Variants in ETS1 observed in about 807,000 individuals in gnomAD.
ETS1 encodes protein C-ets-1.
ETS1 carries 15 observed loss-of-function variants against 58.6 expected under a neutral mutation model. The observed-to-expected ratio is 0.26, with a 90% CI of 0.17 to 0.39. The LOEUF is 0.39. Ranked by LOEUF, ETS1 falls within the 10% of genes least tolerant of loss-of-function variation. The pLI is 1.00. For missense variants in ETS1, 417 were observed against 610.5 expected, an observed-to-expected ratio of 0.68 and a Z score of 3.34; for synonymous variants, 214 against 218.2, an observed-to-expected ratio of 0.98 and a Z score of 0.17.
chr11:128,485,760 G>A (rs1218650292), intron 6 of ETS1, among the ~76,000 whole-genome samples: 2 of 152,192 alleles, frequency 1.3e-5, no homozygotes, highest in East Asian at 1.9e-4. Context: ...TTTGGCCATC[G>A]TAGTGCACAG....
intron 2 of ETS1, among the ~76,000 whole-genome samples, chr11:128,566,555 G>A (rs1322078727): frequency 2.6e-5 from 4 of 152,236 alleles, no homozygotes; most frequent in South Asian, 2.1e-4. Context: ...AGGCTAAGGT[G>A]GGCAGATCAC....
chr11:128,509,729 T>C (rs767918898), intron 3 of ETS1, among the ~76,000 whole-genome samples: 2 of 152,082 alleles, frequency 1.3e-5, no homozygotes, highest in Non-Finnish European at 2.9e-5. Context: ...TTAGAAAGTT[T>C]TCTCTCCAAA....
intron 3 of ETS1, among the ~76,000 whole-genome samples, chr11:128,545,266 A>G (rs1477682652): frequency 6.6e-6 from 1 of 152,170 alleles, no homozygotes; most frequent in Non-Finnish European, 1.5e-5. Flanking sequence ...TGGAATTTTC[A>G]TGGGTCTCTG....
At chr11:128,530,009 T>C (rs926124068) in intron 3 of ETS1, 2 of 152,184 alleles carry the variant, frequency 1.3e-5, no homozygotes, top group Non-Finnish European at 2.9e-5. Flanking sequence ...CATAAATTCA[T>C]TAAAACAACT....
At chr11:128,489,845 T>C (rs766954307) in intron 4 of ETS1, among the ~76,000 whole-genome samples, 1 of 152,236 alleles carries the variant, frequency 6.6e-6, no homozygotes, top group Non-Finnish European at 1.5e-5. Context: ...GCTTCTTTAA[T>C]AGCAATAATA....
chr11:128,561,161 C>T (rs1591663491), intron 2 of ETS1, among the ~76,000 whole-genome samples: 3 of 152,082 alleles, frequency 2.0e-5, no homozygotes, highest in African/African-American at 2.4e-5. Context: ...AACTTCAAGC[C>T]GGAGGGCAGG....
Position 128,480,257 on chromosome 11 carries a change from G to A in ETS1, c.1057C>T (p.Arg353Trp), listed in dbSNP as rs766964257. 3 of 1,614,100 alleles carry A rather than the reference G, an allele frequency of 1.9e-6. No homozygotes were observed. Among genetic ancestry groups the A allele is most frequent in the East Asian group, 2.2e-5 (1 of 44,850 alleles). The change falls in exon 8 of 10, where the codon CGG (arginine) becomes TGG (tryptophan). Residue 353 changes from arginine to tryptophan, a missense_variant. By Grantham distance (101) the Arg-to-Trp change is moderately radical. Around this residue, in one of 4 missense-constraint regions of ETS1, gnomAD observed 139 missense variants for 152.1 expected, o/e 0.91. Coordinates refer to ENST00000392668, the MANE Select transcript of ETS1 (RefSeq NM_001143820.2). ...TCCTTATTGAGGTCAGCACGGTCCC[G>A]CACATAGTCCTTGAAGGTGCCCTTG... ...KPKGTFKDYV[R>W]DRADLNKDKP... is the part of the protein sequence containing the mutation.
chr11:128,506,277 A>G (rs1863228645), intron 3 of ETS1, among the ~76,000 whole-genome samples: 3 of 152,198 alleles, frequency 2.0e-5, no homozygotes, highest in Non-Finnish European at 4.4e-5. Context: ...ATTTTATGTT[A>G]TATCAATTAT....
At chr11:128,539,036 A>G (rs929737803) in intron 3 of ETS1, among the ~76,000 whole-genome samples, 3 of 152,252 alleles carry the variant, frequency 2.0e-5, no homozygotes, top group Non-Finnish European at 4.4e-5. Flanking sequence ...ACCTTTGTGC[A>G]TAAAAGTTAA....
chr11:128,518,655 G>A (rs1863585673), intron 3 of ETS1, among the ~76,000 whole-genome samples: 1 of 152,198 alleles, frequency 6.6e-6, no homozygotes, highest in African/African-American at 2.4e-5. Context: ...AGTCTCTAAT[G>A]GAGTATGGTC....
intron 1 of ETS1, among the ~76,000 whole-genome samples, chr11:128,585,716 C>T (rs1865019310): frequency 6.6e-6 from 1 of 152,194 alleles, no homozygotes; most frequent in African/African-American, 2.4e-5. Flanking sequence ...CTTCTATTCT[C>T]TCATATTTGT....
intron 3 of ETS1, chr11:128,536,480 G>C (rs1321474165): frequency 2.0e-5 from 3 of 152,208 alleles, no homozygotes; most frequent in Non-Finnish European, 4.4e-5. Flanking sequence ...ACATTATCAT[G>C]AGATATTGGG....
At chr11:128,576,555 G>A (rs531699676) in intron 1 of ETS1, among the ~76,000 whole-genome samples, 1 of 152,078 alleles carries the variant, frequency 6.6e-6, no homozygotes, top group African/African-American at 2.4e-5. Context: ...TGATTTGGAC[G>A]CTGGGTAACA....
At chr11:128,558,523 T>A (rs1864351104) in intron 2 of ETS1, among the ~76,000 whole-genome samples, 1 of 151,784 alleles carries the variant, frequency 6.6e-6, no homozygotes, top group African/African-American at 2.4e-5. Flanking sequence ...TGGGCGCCTG[T>A]AATCCCAGCT....
chr11:128,486,439 C>T (rs926092712), intron 5 of ETS1, among the ~76,000 whole-genome samples: 8 of 152,212 alleles, frequency 5.3e-5, no homozygotes, highest in Non-Finnish European at 1.5e-5. Flanking sequence ...AGCATTCATT[C>T]TCAATGCATT....
In ETS1 at chr11:128,564,581, C is replaced by T. The variant is rs534294933; in HGVS notation, c.70-8146G>A. ...ACAGCCTCCACTCACAGCCAACACT[C>T]GCTGAAACAGGCTGAAGGACGGGGA... On this transcript the variant is annotated intron_variant, in intron 2 of 9. Transcript: ENST00000392668. 3.3e-5 allele frequency among the ~76,000 whole-genome samples: 5 copies of T among 152,284 alleles called. No individual in the cohort carries two copies. In the East Asian group the frequency reaches 9.6e-4, roughly 29 times the overall value.
At chr11:128,522,114 A>G in intron 3 of ETS1, 2 of 1,320,144 alleles carry the variant, frequency 1.5e-6, no homozygotes, top group Non-Finnish European at 1.9e-6. Flanking sequence ...TTCTTCCCAA[A>G]AATCTCAAAT....
chr11:128,484,816 G>T lies in ETS1; in HGVS notation c.862+7C>A. On this transcript the variant is annotated splice_region_variant and intron_variant, in intron 7 of 9. Coordinates refer to ENST00000392668, the MANE Select transcript of ETS1 (RefSeq NM_001143820.2). ...CCAAGAGCTTTTAGAGAAGAAATATGACCTACCACGACTGGTCCTCCCCAT... is the reference window on the plus strand; with the variant it reads ...CCAAGAGCTTTTAGAGAAGAAATATTACCTACCACGACTGGTCCTCCCCAT... 2 of 1,611,308 alleles carry T rather than the reference G, an allele frequency of 1.2e-6. No individual in the cohort carries two copies. The highest frequency in any genetic ancestry group is 2.2e-5 in the South Asian group (2 of 90,898).
At chr11:128,547,623 G>A (rs1041306864) in intron 3 of ETS1, among the ~76,000 whole-genome samples, 1 of 151,792 alleles carries the variant, frequency 6.6e-6, no homozygotes, top group African/African-American at 2.4e-5. Context: ...TTTGAAAATT[G>A]GTGGCTTTGT....
Sources: allele counts gnomAD v4.1 joint callset (sites outside exome capture counted in the v4.1 genomes callset), GRCh38; gene constraint gnomAD v4.1.1; regional missense constraint gnomAD v4.1.1; transcripts MANE v1.5; gene names NCBI Gene and HGNC (gene_info 2026-07-23, HGNC 2026-07-21).